The following OIP5 variants were observed in gnomAD, a reference collection of about 807,000 sequenced individuals.
OIP5 encodes the protein protein Mis18-beta.
OIP5 carries 24 observed loss-of-function variants against 20.3 expected under a neutral mutation model. The observed-to-expected ratio is 1.18, with a 90% CI of 0.86 to 1.66. The LOEUF is 1.66. Among genes scored for constraint, OIP5 ranks in the 40% most tolerant of loss-of-function variants. OIP5 has a pLI of 0.00. For missense variants in OIP5, 339 were observed against 289.5 expected, an observed-to-expected ratio of 1.17 and a Z score of -1.24; for synonymous variants, 143 against 121.3, an observed-to-expected ratio of 1.18 and a Z score of -1.17.
intron 2 of OIP5, among the ~76,000 whole-genome samples, chr15:41,320,410 T>C (rs927657353): frequency 1.0e-4 from 15 of 149,862 alleles, no homozygotes; most frequent in African/African-American, 1.5e-4. Flanking sequence ...GCCGAGTGCC[T>C]GCGATTGCAG....
At chr15:41,321,268 G>A (rs1244817703) in intron 2 of OIP5, among the ~76,000 whole-genome samples, 8 of 146,514 alleles carry the variant, frequency 5.5e-5, no homozygotes, top group Admixed American at 2.0e-4. Flanking sequence ...CCAGCCCCCC[G>A]CCCGGCCAGC....
chr15:41,317,602 G>A (rs184334857), intron 3 of OIP5, among the ~76,000 whole-genome samples: 3 of 151,888 alleles, frequency 2.0e-5, no homozygotes, highest in South Asian at 2.1e-4. Flanking sequence ...GGATGATCTC[G>A]ATCTCCTGAC....
chr15:41,314,062 G>A (rs946875092), intron 3 of OIP5, among the ~76,000 whole-genome samples: 1 of 152,022 alleles, frequency 6.6e-6, no homozygotes, highest in Non-Finnish European at 1.5e-5. Flanking sequence ...AGTAATCCCA[G>A]TATGAGACAT....
chr15:41,310,409 G>A (rs1253748405), intron 4 of OIP5, among the ~76,000 whole-genome samples: 1 of 152,112 alleles, frequency 6.6e-6, no homozygotes, highest in Non-Finnish European at 1.5e-5. Context: ...GGCAGATCAC[G>A]AGGTCAGGAG....
intron 2 of OIP5, among the ~76,000 whole-genome samples, chr15:41,327,332 C>A (rs1367831919): frequency 6.6e-6 from 1 of 151,822 alleles, no homozygotes; most frequent in East Asian, 2.0e-4. Context: ...CAGGCGCCCA[C>A]CACCACGCCC....
chr15:41,309,923 C>A lies in OIP5; in HGVS notation c.595-74G>T, dbSNP rs767482883. On this transcript the variant is annotated intron_variant, in intron 4 of 4. Coordinates refer to ENST00000220514, the MANE Select transcript of OIP5 (RefSeq NM_007280.2). ...TTATTTTAAGAGACAGGGTCTCACTCTGTTGCCTGAGCTGGAGTACAGTGG... is the reference window on the plus strand; with the variant it reads ...TTATTTTAAGAGACAGGGTCTCACTATGTTGCCTGAGCTGGAGTACAGTGG... The A allele has an allele frequency of 4.9e-6, 5 of 1,018,154 alleles. No individual in the cohort carries two copies. In the South Asian group the frequency reaches 5.9e-5, roughly 12 times the overall value. 63.1% of individuals were successfully genotyped at this position (1,018,154 alleles called of 1,614,324 possible).
At chr15:41,313,145 G>C (rs1392136040) in intron 4 of OIP5, 128 bp downstream of exon 4, 2 of 668,596 alleles carry the variant, frequency 3.0e-6, no homozygotes, top group Non-Finnish European at 5.3e-6. Flanking sequence ...AAATTCAATA[G>C]GGAAGGTCAA....
chr15:41,317,002 A>C (rs1312832291), intron 3 of OIP5, among the ~76,000 whole-genome samples: 3 of 152,134 alleles, frequency 2.0e-5, no homozygotes, highest in Admixed American at 2.0e-4. Context: ...TTAATGGTCA[A>C]GGAAAGACTT....
At chr15:41,312,563 G>C (rs1413029387) in intron 4 of OIP5, among the ~76,000 whole-genome samples, 1 of 150,466 alleles carries the variant, frequency 6.6e-6, no homozygotes, top group African/African-American at 2.5e-5. Flanking sequence ...GGGTTCAAGC[G>C]ATTCTCCTGC....
chr15:41,332,102 C>T, intron 1 of OIP5, 121 bp from the exon 2 acceptor site: 1 of 1,335,624 alleles, frequency 7.5e-7, no homozygotes, highest in Admixed American at 1.8e-5. Flanking sequence ...CCTGCCCCAT[C>T]CCCAGGCCAA....
At chr15:41,309,932 G>A in intron 4 of OIP5, 83 bp from the exon 5 acceptor site, 4 of 887,002 alleles carry the variant, frequency 4.5e-6, no homozygotes, top group Admixed American at 4.6e-5. Flanking sequence ...TCTGTTGCCT[G>A]AGCTGGAGTA....
In OIP5 at chr15:41,313,281, T is replaced by A. The variant is rs114645506; in HGVS notation, c.586A>T (p.Ile196Phe). 6.3e-7 allele frequency: 1 copy of A among 1,593,528 alleles called. No individual in the cohort carries two copies. The highest frequency in any genetic ancestry group is 1.1e-5 in the South Asian group (1 of 90,370). The change falls in exon 4 of 5, where the codon ATT becomes TTT. Residue 196 changes from isoleucine to phenylalanine, a missense_variant. Physicochemically the swap from Ile to Phe is conservative, Grantham distance 21. Transcript: ENST00000220514. ...CCATCATGAAATTTTACCTCTGCAA[T>A]CTTTTCTGATAGAGGAACATTTTGA... ...DIQNVPLSEKIAELKEKIVLT... is the reference protein window; with the variant it reads ...DIQNVPLSEKFAELKEKIVLT...
intron 2 of OIP5, among the ~76,000 whole-genome samples, chr15:41,326,067 CAGA>C (rs1400213395): frequency 1.3e-5 from 2 of 152,098 alleles, no homozygotes; most frequent in South Asian, 2.1e-4. Flanking sequence ...GAGGCTAAGG[CAGA>C]AGAATTGCTT....
intron 2 of OIP5, among the ~76,000 whole-genome samples, chr15:41,321,236 T>A (rs1260516687): frequency 1.1e-4 from 16 of 145,904 alleles, no homozygotes; most frequent in Admixed American, 1.0e-3. Flanking sequence ...AGCCGCCCCG[T>A]CCGGGAGGGA....
rs540574273 is a variant in OIP5 at position 41,311,383 on chromosome 15, A to T, written c.595-1534T>A. Among the ~76,000 whole-genome samples, 251 of 152,220 alleles carry T rather than the reference A, an allele frequency of 1.6e-3. 2 individuals carry two copies. The highest frequency in any genetic ancestry group is 5.9e-3 in the African/African-American group (243 of 41,534). On this transcript the variant is annotated intron_variant, in intron 4 of 4. Coordinates refer to ENST00000220514, the MANE Select transcript of OIP5 (RefSeq NM_007280.2). ...ACCCAAGACTGTGCCACTGCATTCCAGCCTGGGAGGCAGAGTGAGACTTTG... is the reference window on the plus strand; with the variant it reads ...ACCCAAGACTGTGCCACTGCATTCCTGCCTGGGAGGCAGAGTGAGACTTTG...
Position 41,319,792 on chromosome 15 carries a change from G to A in OIP5, c.390-12C>T, listed in dbSNP as rs753919244. The A allele has an allele frequency of 1.1e-5, 17 of 1,593,836 alleles. No individual in the cohort carries two copies. In the Admixed American group the frequency reaches 1.6e-4, roughly 15 times the overall value. On this transcript the variant is annotated splice_polypyrimidine_tract_variant and intron_variant, in intron 2 of 4. Transcript: ENST00000220514. ...AAAGGTTGTAAGTACTAGGGGTGGG[G>A]AAAAACACAATATGGGTAAGAATAA...
chr15:41,316,587 G>A (rs768819721), intron 3 of OIP5, among the ~76,000 whole-genome samples: 3 of 151,800 alleles, frequency 2.0e-5, no homozygotes, highest in Non-Finnish European at 2.9e-5. Context: ...CAAGGAGATC[G>A]AGACCATCCT....
chr15:41,312,146 G>C (rs1211696986), intron 4 of OIP5, among the ~76,000 whole-genome samples: 4 of 144,732 alleles, frequency 2.8e-5, no homozygotes, highest in Non-Finnish European at 6.2e-5. Flanking sequence ...AAGCCACCAT[G>C]CCCAGCCTTC....
intron 2 of OIP5, among the ~76,000 whole-genome samples, chr15:41,327,117 G>T (rs1473390817): frequency 1.3e-5 from 2 of 150,722 alleles, no homozygotes; most frequent in Non-Finnish European, 3.0e-5. Context: ...GAAAATAATT[G>T]TCAAAATATT....
Sources: allele counts gnomAD v4.1 joint callset (sites outside exome capture counted in the v4.1 genomes callset), GRCh38; gene constraint gnomAD v4.1.1; transcripts MANE v1.5; gene names NCBI Gene and HGNC (gene_info 2026-07-23, HGNC 2026-07-21).